Variants in TUBGCP3 observed in about 807,000 individuals in gnomAD.
TUBGCP3 encodes the protein gamma-tubulin complex component 3.
TUBGCP3 carries 50 observed loss-of-function variants against 123.1 expected under a neutral mutation model. That is an observed-to-expected ratio of 0.41 (90% CI 0.32 to 0.51). The LOEUF is 0.51. Among genes scored for constraint, TUBGCP3 ranks in the 20% least tolerant of loss-of-function variants. The probability of loss-of-function intolerance (pLI) is 0.36; values close to 1 mark genes in which losing one functional copy is unlikely to be tolerated. For missense variants in TUBGCP3, 882 were observed against 1,127.0 expected (o/e 0.78, Z 3.11); for synonymous variants, 405 against 413.9 (o/e 0.98, Z 0.26).
At chr13:112,558,034 A>T (rs1486118688) in intron 5 of TUBGCP3, among the ~76,000 whole-genome samples, 162 bp downstream of exon 5, 1 of 152,236 alleles carries the variant, frequency 6.6e-6, no homozygotes, top group East Asian at 1.9e-4. Flanking sequence ...GAAGAGGAGT[A>T]ACGTTCAGAG....
chr13:112,544,799 G>A (rs1353850593), intron 11 of TUBGCP3: 1 of 152,326 alleles, frequency 6.6e-6, no homozygotes, highest in Non-Finnish European at 1.5e-5. Context: ...GAGCACCAGA[G>A]ACTCCATTCT....
At chr13:112,516,960 C>T (rs955503836) in intron 16 of TUBGCP3, among the ~76,000 whole-genome samples, 1 of 152,084 alleles carries the variant, frequency 6.6e-6, no homozygotes, top group African/African-American at 2.4e-5. Context: ...AAGAATCTCC[C>T]GTCTGAAAAG....
chr13:112,597,629 A>C, the TUBGCP3 span, among the ~76,000 whole-genome samples: 9 of 152,330 alleles, frequency 5.9e-5, no homozygotes, highest in East Asian at 3.9e-4. Context: ...ACAACAACAA[A>C]AAAAAGCCAG....
chr13:112,564,358 T>C (rs1880781000), intron 3 of TUBGCP3, among the ~76,000 whole-genome samples: 1 of 152,240 alleles, frequency 6.6e-6, no homozygotes, highest in African/African-American at 2.4e-5. Flanking sequence ...TGTGTAACAC[T>C]AACAGTATTT....
In TUBGCP3 at chr13:112,514,495, A is replaced by G. The variant is rs192645929; in HGVS notation, c.2086+1945T>C. 1.6e-3 allele frequency among the ~76,000 whole-genome samples: 245 copies of G among 152,286 alleles called. 1 individual carries two copies. The highest frequency in any genetic ancestry group is 2.3e-3 in the Non-Finnish European group (159 of 68,028). ...AGGGGGACCCCATCTTAAAAATAAA[A>G]AGTGTTCACCCTCATCAATCATTTT... On this transcript the variant is annotated intron_variant, in intron 17 of 21. Coordinates refer to ENST00000261965, the MANE Select transcript of TUBGCP3 (RefSeq NM_006322.6).
intron 1 of TUBGCP3, among the ~76,000 whole-genome samples, chr13:112,569,992 G>A (rs1358509532): frequency 2.0e-5 from 3 of 152,118 alleles, no homozygotes; most frequent in African/African-American, 7.2e-5. Context: ...AGCCCAGGCA[G>A]GCTCAGGAAA....
intron 19 of TUBGCP3, among the ~76,000 whole-genome samples, chr13:112,502,500 T>C (rs955315149): frequency 2.0e-5 from 3 of 151,642 alleles, no homozygotes; most frequent in East Asian, 3.9e-4. Flanking sequence ...GGGTTAGTAA[T>C]AGAGGTTTCA....
intron 18 of TUBGCP3, 79 bp downstream of exon 18, chr13:112,504,547 C>G (rs1053611594): frequency 1.2e-6 from 1 of 869,218 alleles, no homozygotes; most frequent in Non-Finnish European, 1.8e-6. Context: ...CATACATACA[C>G]ATATATATAT....
In TUBGCP3 at chr13:112,485,396, G is replaced by T. The variant is rs1879586708; in HGVS notation, c.*597C>A. The T allele has an allele frequency of 6.6e-6, 1 of 152,414 alleles. No homozygotes were observed. The highest frequency in any genetic ancestry group is 6.6e-5 in the Admixed American group (1 of 15,264). 9.4% of individuals were successfully genotyped at this position (152,414 alleles called of 1,614,324 possible). ...GAAATAGTAAATTAAATATAAAAAT[G>T]TAAACTCTGAAAGGAGAGAAAATAA... On this transcript the variant is annotated 3_prime_UTR_variant, in exon 22 of 22. Transcript: ENST00000261965.
chr13:112,550,684 A>G (rs1435715676), intron 8 of TUBGCP3, among the ~76,000 whole-genome samples: 1 of 152,260 alleles, frequency 6.6e-6, no homozygotes, highest in Non-Finnish European at 1.5e-5. Flanking sequence ...TTCTTAGGTA[A>G]TATTTACAGA....
chr13:112,498,506 G>A (rs551541190), intron 20 of TUBGCP3, among the ~76,000 whole-genome samples: 5 of 152,328 alleles, frequency 3.3e-5, no homozygotes, highest in African/African-American at 7.2e-5. Flanking sequence ...CACTTGTGAC[G>A]TCATGTCAGT....
At chr13:112,536,152 C>T (rs1031771710) in intron 11 of TUBGCP3, among the ~76,000 whole-genome samples, 4 of 152,230 alleles carry the variant, frequency 2.6e-5, no homozygotes, top group African/African-American at 9.6e-5. Flanking sequence ...TTTTGATTAC[C>T]TTGCATTGTA....
chr13:112,547,013 G>A (rs747489538), intron 10 of TUBGCP3: 1 of 156,862 alleles, frequency 6.4e-6, no homozygotes, highest in Non-Finnish European at 1.4e-5. Context: ...TGTTACAAAC[G>A]AGGGAGAAGG....
At chr13:112,526,073 CCAT>C (rs535282222) in intron 13 of TUBGCP3, among the ~76,000 whole-genome samples, 203 of 152,174 alleles carry the variant, frequency 1.3e-3, no homozygotes, top group Non-Finnish European at 2.3e-3. Flanking sequence ...ACCGCTATCA[CCAT>C]CATCATATCA....
chr13:112,548,808 T>C (rs1879291665), intron 8 of TUBGCP3, among the ~76,000 whole-genome samples: 1 of 152,186 alleles, frequency 6.6e-6, no homozygotes, highest in Non-Finnish European at 1.5e-5. Context: ...CCAGTTAGAA[T>C]GGTGATCATT....
chr13:112,566,691 G>GA (rs1880974612), intron 2 of TUBGCP3, among the ~76,000 whole-genome samples: 1 of 152,192 alleles, frequency 6.6e-6, no homozygotes, highest in African/African-American at 2.4e-5. Flanking sequence ...TCTATAGAAT[G>GA]AGATTGGCAC....
chr13:112,588,053 G>T lies in TUBGCP3; in HGVS notation c.-73C>A. ...GCCGCACGCGCAGGGACCGCGGCCC[G>T]CGCCCTTCCTGCGCCCCGCAAGCTC... On this transcript the variant is annotated 5_prime_UTR_variant, in exon 1 of 22. Transcript: ENST00000261965. 2 of 1,261,258 alleles carry T rather than the reference G, an allele frequency of 1.6e-6. No homozygotes were observed. The highest frequency in any genetic ancestry group is 3.6e-5 in the Admixed American group (1 of 27,846). The allele number at this position is 1,261,258 out of a possible 1,614,324, so 78.1% of individuals were successfully genotyped here.
At chr13:112,504,204 C>T in intron 18 of TUBGCP3, 41 bp from the exon 19 acceptor site, 1 of 1,613,236 alleles carries the variant, frequency 6.2e-7, no homozygotes, top group Non-Finnish European at 8.5e-7. Context: ...AAGCTCATGT[C>T]CTTCCTAGTG....
At chr13:112,488,235 AC>A (rs1879808402) in intron 21 of TUBGCP3, among the ~76,000 whole-genome samples, 1 of 151,702 alleles carries the variant, frequency 6.6e-6, no homozygotes, top group African/African-American at 2.4e-5. Context: ...ACATGAAGGC[AC>A]CAGCACACAA....
Sources: allele counts gnomAD v4.1 joint callset (sites outside exome capture counted in the v4.1 genomes callset), GRCh38; gene constraint gnomAD v4.1.1; transcripts MANE v1.5; gene names NCBI Gene and HGNC (gene_info 2026-07-23, HGNC 2026-07-21).